Variants in PGM5 observed in about 807,000 individuals in gnomAD.
PGM5 encodes phosphoglucomutase 5.
PGM5 carries 23 observed loss-of-function variants against 59.2 expected under a neutral mutation model. The observed-to-expected ratio is 0.39, with a 90% CI of 0.28 to 0.55. The LOEUF is 0.55. Among genes scored for constraint, PGM5 ranks in the 20% least tolerant of loss-of-function variants. The probability of loss-of-function intolerance (pLI) is 0.66; values close to 1 mark genes in which losing one functional copy is unlikely to be tolerated. For synonymous variants in PGM5, 214 were observed against 286.0 expected (o/e 0.75, Z 2.54); for missense variants, 574 against 748.3 (o/e 0.77, Z 2.72).
At chr9:68,416,672 G>A (rs1238976696) in intron 6 of PGM5, among the ~76,000 whole-genome samples, 1 of 152,190 alleles carries the variant, frequency 6.6e-6, no homozygotes. Flanking sequence ...CCAATTATTT[G>A]TGCCTCACTT....
At chr9:68,429,307 C>T (rs782629563) in intron 6 of PGM5, 4 of 152,224 alleles carry the variant, frequency 2.6e-5, no homozygotes, top group South Asian at 2.1e-4. Flanking sequence ...ATATGCCTAC[C>T]GTGGGAAGCT....
At chr9:68,484,598 C>CA (rs58109556) in intron 9 of PGM5, among the ~76,000 whole-genome samples, 13,479 of 132,734 alleles carry the variant, frequency 0.1, 1,252 homozygotes, top group African/African-American at 0.25. Flanking sequence ...AAACAAAAAA[C>CA]AAAAAAAAAA....
chr9:68,384,156 A>AAAAC (rs1220841184), intron 2 of PGM5, among the ~76,000 whole-genome samples: 2 of 151,932 alleles, frequency 1.3e-5, no homozygotes, highest in Admixed American at 6.6e-5. Context: ...GAAGTGGATT[A>AAAAC]AAACAAACAA....
intron 1 of PGM5, among the ~76,000 whole-genome samples, chr9:68,373,657 C>G (rs1368679852): frequency 6.6e-6 from 1 of 152,030 alleles, no homozygotes; most frequent in Non-Finnish European, 1.5e-5. Context: ...GTTTATGTTT[C>G]TTTCGCTACT....
chr9:68,519,421 G>T (rs1443553296), intron 10 of PGM5, among the ~76,000 whole-genome samples: 2 of 151,872 alleles, frequency 1.3e-5, no homozygotes, highest in African/African-American at 4.8e-5. Context: ...TATATTGGAA[G>T]AAAATAAAGG....
chr9:68,420,685 G>A (rs1328584563), intron 6 of PGM5, among the ~76,000 whole-genome samples: 2 of 152,160 alleles, frequency 1.3e-5, no homozygotes, highest in Non-Finnish European at 2.9e-5. Context: ...AGAGCCTATA[G>A]ATCTTACTGT....
chr9:68,368,905 A>G (rs1834731645), intron 1 of PGM5, among the ~76,000 whole-genome samples: 1 of 152,262 alleles, frequency 6.6e-6, no homozygotes, highest in Non-Finnish European at 1.5e-5. Flanking sequence ...TTGGTTTCCC[A>G]AAGTGCTGGG....
chr9:68,463,906 A>T (rs1277597343), intron 6 of PGM5, among the ~76,000 whole-genome samples: 2 of 152,126 alleles, frequency 1.3e-5, no homozygotes, highest in East Asian at 3.9e-4. Context: ...CCACAACCCC[A>T]CCATAAGTCA....
chr9:68,376,191 A>G (rs1441843080), intron 1 of PGM5, among the ~76,000 whole-genome samples: 3 of 152,210 alleles, frequency 2.0e-5, no homozygotes, highest in African/African-American at 4.8e-5. Context: ...ATGTTTAAAA[A>G]TGCAATCAGG....
chr9:68,370,105 G>A (rs528561544), intron 1 of PGM5, among the ~76,000 whole-genome samples: 88 of 151,968 alleles, frequency 5.8e-4, no homozygotes, highest in African/African-American at 1.9e-3. Context: ...ACAGCCCTTC[G>A]TAGATGGACA....
Position 68,438,993 on chromosome 9 carries a change from G to A in PGM5, c.1044-26100G>A, listed in dbSNP as rs1554683522. Among the ~76,000 whole-genome samples the A allele has an allele frequency of 2.0e-5, 3 of 152,104 alleles. No homozygotes were observed. In the South Asian group the frequency reaches 6.2e-4, roughly 31 times the overall value. On this transcript the variant is annotated intron_variant, in intron 6 of 10. Transcript: ENST00000396396. The stretch of plus-strand genomic sequence containing the variant: ...CTTCATTGCCACTTGGAGAAGTGGT[G>A]GTCCCAACAGACTAGGGAGAAACAC...
In PGM5 at chr9:68,499,211, A is replaced by G; in HGVS notation, c.1480-16A>G. 6.2e-7 allele frequency: 1 copy of G among 1,613,784 alleles called. No homozygotes were observed. Among genetic ancestry groups the G allele is most frequent in the Non-Finnish European group, 8.5e-7 (1 of 1,179,854 alleles). ...TCATTTGCTCACTGCTCCATTCTGG[A>G]TGTTCTTGGTCTCAGGGCCTAAGGA... On this transcript the variant is annotated splice_polypyrimidine_tract_variant and intron_variant, in intron 9 of 10. Transcript: ENST00000396396.
intron 9 of PGM5, among the ~76,000 whole-genome samples, chr9:68,493,738 C>A (rs782117793): frequency 2.0e-5 from 3 of 152,176 alleles, no homozygotes; most frequent in African/African-American, 4.8e-5. Flanking sequence ...AGCATTCTAG[C>A]CTGAGTTTAT....
intron 9 of PGM5, among the ~76,000 whole-genome samples, chr9:68,485,993 G>T (rs1434774968): frequency 6.6e-6 from 1 of 152,190 alleles, no homozygotes; most frequent in African/African-American, 2.4e-5. Flanking sequence ...GCATAGCAGT[G>T]TTGTTGAGAC....
intron 1 of PGM5, 21 bp downstream of exon 1, chr9:68,357,409 C>A (rs782453490): frequency 2.6e-6 from 4 of 1,548,722 alleles, no homozygotes; most frequent in Admixed American, 1.9e-5. Context: ...GGATGCCCCT[C>A]GCTTCCCGCC....
chr9:68,474,560 T>C (rs191435636), intron 7 of PGM5, among the ~76,000 whole-genome samples: 1 of 151,594 alleles, frequency 6.6e-6, no homozygotes, highest in Admixed American at 6.6e-5. Flanking sequence ...CAGTGATATT[T>C]CTCTAGAAAA....
intron 6 of PGM5, among the ~76,000 whole-genome samples, chr9:68,423,072 G>A (rs1459606284): frequency 6.6e-6 from 1 of 152,176 alleles, no homozygotes; most frequent in African/African-American, 2.4e-5. Flanking sequence ...TTTTATGGCT[G>A]AGTAGTATTC....
At chr9:68,492,274 G>A (rs1824404921) in intron 9 of PGM5, among the ~76,000 whole-genome samples, 1 of 152,164 alleles carries the variant, frequency 6.6e-6, no homozygotes, top group Non-Finnish European at 1.5e-5. Context: ...CCAAAGAAAT[G>A]GGGAAATAGA....
Position 68,394,732 on chromosome 9 carries a change from C to T in PGM5, c.1043+2259C>T, listed in dbSNP as rs549819246. 2.0e-5 allele frequency among the ~76,000 whole-genome samples: 3 copies of T among 151,812 alleles called. No homozygotes were observed. In the East Asian group the frequency reaches 5.8e-4, roughly 29 times the overall value. On this transcript the variant is annotated intron_variant, in intron 6 of 10. Coordinates refer to ENST00000396396, the MANE Select transcript of PGM5 (RefSeq NM_021965.4). ...AACTGCTGGGCTCAAGCAATCCTCC[C>T]AACTCAGCCTCCTGAGTAGCTAGGA...
Sources: gnomAD v4.1 joint callset for allele counts (sites outside exome capture counted in the v4.1 genomes callset) on GRCh38, gnomAD v4.1.1 for gene constraint, MANE v1.5 for transcripts, NCBI Gene and HGNC (gene_info 2026-07-23, HGNC 2026-07-21) for gene names.